IQSEC1: variants seen among roughly 807,000 people sequenced by gnomAD.
IQSEC1 encodes the protein IQ motif and SEC7 domain-containing protein 1.
IQSEC1 carries 31 observed loss-of-function variants against 91.0 expected under a neutral mutation model. That is an observed-to-expected ratio of 0.34 (90% confidence interval 0.26 to 0.46). The LOEUF is 0.46. Ranked by LOEUF, IQSEC1 falls within the 20% of genes least tolerant of loss-of-function variation. The pLI is 1.00. For missense variants in IQSEC1, 1,388 were observed against 1,575.6 expected, an observed-to-expected ratio of 0.88 and a Z score of 2.02; for synonymous variants, 699 against 662.6, an observed-to-expected ratio of 1.05 and a Z score of -0.84.
intron 1 of IQSEC1, among the ~76,000 whole-genome samples, chr3:13,185,936 C>A (rs769304426): frequency 2.6e-5 from 4 of 152,244 alleles, no homozygotes; most frequent in Non-Finnish European, 5.9e-5. Context: ...CCAAGGTGGG[C>A]GGGTCCCATA....
chr3:13,027,589 T>C (rs935390024), intron 1 of IQSEC1, among the ~76,000 whole-genome samples: 1 of 152,090 alleles, frequency 6.6e-6, no homozygotes, highest in African/African-American at 2.4e-5. Context: ...CTGGTAGAAA[T>C]GTCTGATCAA....
intron 1 of IQSEC1, among the ~76,000 whole-genome samples, chr3:13,266,758 C>A (rs1432613934): frequency 6.6e-6 from 1 of 152,068 alleles, no homozygotes; most frequent in Admixed American, 6.6e-5. Flanking sequence ...AAAGTGGAGG[C>A]CAGGACAATT....
chr3:13,184,088 G>A (rs1193888438), intron 1 of IQSEC1, among the ~76,000 whole-genome samples: 1 of 152,160 alleles, frequency 6.6e-6, no homozygotes, highest in Admixed American at 6.5e-5. Flanking sequence ...TCAAACAAGT[G>A]AAGAAGAGAT....
At chr3:13,041,411 G>C (rs551343275) in intron 1 of IQSEC1, among the ~76,000 whole-genome samples, 2 of 152,298 alleles carry the variant, frequency 1.3e-5, no homozygotes, top group South Asian at 4.1e-4. Flanking sequence ...AAAGCCCACT[G>C]GAAGGAAGAA....
intron 2 of IQSEC1, among the ~76,000 whole-genome samples, chr3:13,126,342 G>A (rs754906108): frequency 8.5e-5 from 13 of 152,172 alleles, no homozygotes; most frequent in Admixed American, 4.6e-4. Context: ...AAGTTGCTGC[G>A]CATATCAAAG....
intron 2 of IQSEC1, among the ~76,000 whole-genome samples, chr3:13,148,315 A>AT (rs1195732106): frequency 2.6e-5 from 4 of 152,018 alleles, no homozygotes; most frequent in African/African-American, 9.7e-5. Context: ...GCAAGGTAAA[A>AT]TCCGGGGGCC....
At chr3:13,047,940 G>A (rs1238533600) in intron 1 of IQSEC1, among the ~76,000 whole-genome samples, 1 of 152,282 alleles carries the variant, frequency 6.6e-6, no homozygotes, top group East Asian at 1.9e-4. Flanking sequence ...GGCCCACCCA[G>A]CCTCCATGCC....
At chr3:12,955,166 GA>G (rs1333962332) in intron 1 of IQSEC1, among the ~76,000 whole-genome samples, 3 of 152,250 alleles carry the variant, frequency 2.0e-5, no homozygotes, top group Non-Finnish European at 4.4e-5. Context: ...CCACCGTACA[GA>G]CACATGCTCA....
chr3:13,251,116 C>T (rs2125116339), intron 1 of IQSEC1, among the ~76,000 whole-genome samples: 1 of 152,344 alleles, frequency 6.6e-6, no homozygotes, highest in Middle Eastern at 3.4e-3. Flanking sequence ...AGCCAGGCAC[C>T]TGCAGGCCTC....
chr3:12,975,141 C>T (rs1284587438), intron 1 of IQSEC1, among the ~76,000 whole-genome samples: 8 of 152,240 alleles, frequency 5.3e-5, no homozygotes, highest in East Asian at 1.9e-4. Context: ...GCCAGGCACA[C>T]GGCAGCCCTT....
rs541911449 is a variant in IQSEC1, at chr3:12,904,649, T to C, written c.2756-1827A>G. 2.0e-5 allele frequency among the ~76,000 whole-genome samples: 3 copies of C among 152,182 alleles called. No individual in the cohort carries two copies. The South Asian group carries it at 6.2e-4, about 32-fold the overall frequency. ...AGACACTCAGGACATTGTGGCGCCATGTGGAAATGTGGAGGGACAGAGCGC... is the reference window on the plus strand; with the variant it reads ...AGACACTCAGGACATTGTGGCGCCACGTGGAAATGTGGAGGGACAGAGCGC... On this transcript the variant is annotated intron_variant, in intron 12 of 13. Transcript: ENST00000613206.
At chr3:13,137,176 C>T (rs1450871949) in intron 2 of IQSEC1, among the ~76,000 whole-genome samples, 1 of 152,174 alleles carries the variant, frequency 6.6e-6, no homozygotes, top group Non-Finnish European at 1.5e-5. Flanking sequence ...AGGTTGACCA[C>T]TCACATACCT....
At chr3:13,271,970 C>G (rs1695597373) in intron 1 of IQSEC1, among the ~76,000 whole-genome samples, 1 of 152,090 alleles carries the variant, frequency 6.6e-6, no homozygotes, top group African/African-American at 2.4e-5. Context: ...AACAGTCCAC[C>G]CAACAGCAGA....
At position 13,198,033 on chromosome 3, in the gene IQSEC1, A is replaced by G. The variant is rs538517216; in HGVS notation, c.273-33900T>C. On this transcript the variant is annotated intron_variant, in intron 1 of 15. Coordinates refer to the IQSEC1 transcript ENST00000648114. ...GCCCTGTGGCCCCGGGGCAGGGCTT[A>G]GACTCTGTGGGCACGCAGGGTCTGA... 2.0e-5 allele frequency among the ~76,000 whole-genome samples: 3 copies of G among 152,296 alleles called. No homozygotes were observed. The East Asian group carries it at 5.8e-4, about 30-fold the overall frequency.
Position 13,058,948 on chromosome 3 carries a change from T to C in IQSEC1, c.23+14044A>G, listed in dbSNP as rs181121924. Reference sequence around the variant, plus strand: ...GCGGACAGCGCTGCCCTCAGCCAGGTGGGTGGGCTGAGCTCTGGGTGCAGG... The same window carrying C: ...GCGGACAGCGCTGCCCTCAGCCAGGCGGGTGGGCTGAGCTCTGGGTGCAGG... On this transcript the variant is annotated intron_variant, in intron 1 of 13. Coordinates refer to ENST00000613206, the MANE Select transcript of IQSEC1 (RefSeq NM_001134382.3). Among the ~76,000 whole-genome samples, 600 of 151,938 alleles carry C rather than the reference T, an allele frequency of 3.9e-3. 1 individual carries two copies. Among genetic ancestry groups the C allele is most frequent in the Non-Finnish European group, 6.1e-3 (412 of 67,930 alleles).
At position 12,940,872 on chromosome 3, in the gene IQSEC1, C is replaced by T. The variant is rs899808918; in HGVS notation, c.318+699G>A. ...CCTCCCCAGGGACCGCTCAGGGCCT[C>T]GCTCTTTCCTCTGCACCCCAGGATT... On this transcript the variant is annotated intron_variant, in intron 2 of 13. Transcript: ENST00000613206. The surrounding 1 kb of genome is among the most constrained non-coding windows in gnomAD (Gnocchi z 4.4). Among the ~76,000 whole-genome samples the T allele has an allele frequency of 2.0e-5, 3 of 152,192 alleles. No homozygotes were observed. Among genetic ancestry groups the T allele is most frequent in the South Asian group, 2.1e-4 (1 of 4,832 alleles).
rs1695261031 is a variant in IQSEC1 at position 12,908,728 on chromosome 3, AGAGGGCCTTGT to A, written c.2579-214_2579-204del. 6.6e-6 allele frequency among the ~76,000 whole-genome samples: 1 copy of A among 152,194 alleles called. No homozygotes were observed. The highest frequency in any genetic ancestry group is 2.1e-4 in the South Asian group (1 of 4,824). ...TCCCAGGAGGGAGGCTAGAGAGACC[AGAGGGCCTTGT>A]GACCTGCAGGAAGGATAGTCACCTT... On this transcript the variant is annotated intron_variant, in intron 11 of 13. Transcript: ENST00000613206. The surrounding 1 kb of genome is among the most constrained non-coding windows in gnomAD (Gnocchi z 4.9).
At chr3:13,101,897 G>A (rs1360541451) in intron 2 of IQSEC1, among the ~76,000 whole-genome samples, 1 of 146,650 alleles carries the variant, frequency 6.8e-6, no homozygotes, top group Non-Finnish European at 1.5e-5. Context: ...TCCTGGGAGA[G>A]GATTTCACGA....
In IQSEC1 at chr3:12,970,325, G is replaced by A. The variant is rs890998350; in HGVS notation, c.24-28460C>T. On this transcript the variant is annotated intron_variant, in intron 1 of 13. Transcript: ENST00000613206. The surrounding 1 kb of genome is among the most constrained non-coding windows in gnomAD (Gnocchi z 4.4). ...CCTTGAGGGATGAGGAGGGCCCCAT[G>A]TATGGGGTCACAGGATGTAAAAAGT... 1.3e-5 allele frequency among the ~76,000 whole-genome samples: 2 copies of A among 152,198 alleles called. No individual in the cohort carries two copies. Among genetic ancestry groups the A allele is most frequent in the Non-Finnish European group, 2.9e-5 (2 of 68,016 alleles).
Sources: allele counts gnomAD v4.1 joint callset (sites outside exome capture counted in the v4.1 genomes callset), GRCh38; gene constraint gnomAD v4.1.1; non-coding constraint Gnocchi (gnomAD v3.1); transcripts MANE v1.5; gene names NCBI Gene and HGNC (gene_info 2026-07-23, HGNC 2026-07-21).